The following DTNBP1 variants were observed in gnomAD, a reference collection of about 807,000 sequenced individuals.
DTNBP1 encodes dysbindin.
DTNBP1 carries 35 observed loss-of-function variants against 42.8 expected under a neutral mutation model. The ratio of observed to expected loss-of-function variants is 0.82; its 90% CI spans 0.63 to 1.09. The LOEUF is 1.09. Ranked by LOEUF, DTNBP1 falls within the 50% of genes least tolerant of loss-of-function variation. DTNBP1 has a pLI of 0.00. For synonymous variants in DTNBP1, 171 were observed against 162.2 expected, an observed-to-expected ratio of 1.05 and a Z score of -0.41; for missense variants, 457 against 424.2, an observed-to-expected ratio of 1.08 and a Z score of -0.68.
intron 7 of DTNBP1, among the ~76,000 whole-genome samples, chr6:15,578,993 GC>G (rs1775700955): frequency 6.6e-6 from 1 of 152,112 alleles, no homozygotes; most frequent in African/African-American, 2.4e-5. Context: ...GTATGGAGGT[GC>G]CCCCAAAAAA....
chr6:15,618,398 A>C lies in DTNBP1; in HGVS notation c.356-2999T>G, dbSNP rs537308351. ...AAAGGGGGGAAGCGTGGGAAGGGAC[A>C]AAGATTGAAAAACTACCTACTGGGT... On this transcript the variant is annotated intron_variant, in intron 5 of 9. Coordinates refer to ENST00000344537, the MANE Select transcript of DTNBP1 (RefSeq NM_032122.5). 2.6e-5 allele frequency among the ~76,000 whole-genome samples: 4 copies of C among 152,238 alleles called. No individual in the cohort carries two copies. In the South Asian group the frequency reaches 8.3e-4, roughly 32 times the overall value.
chr6:15,653,958 A>C (rs1406708451), intron 1 of DTNBP1, among the ~76,000 whole-genome samples: 1 of 152,240 alleles, frequency 6.6e-6, no homozygotes, highest in Non-Finnish European at 1.5e-5. Flanking sequence ...GCTGGTTCTG[A>C]AACAGGATTC....
chr6:15,550,585 T>C (rs1465269439), intron 7 of DTNBP1, among the ~76,000 whole-genome samples: 1 of 152,254 alleles, frequency 6.6e-6, no homozygotes, highest in Non-Finnish European at 1.5e-5. Context: ...GCTTGAAAGC[T>C]GATCATATCT....
intron 3 of DTNBP1, among the ~76,000 whole-genome samples, chr6:15,638,140 T>G (rs1259956959): frequency 1.3e-5 from 2 of 152,154 alleles, no homozygotes; most frequent in Admixed American, 1.3e-4. Flanking sequence ...GTAATTTTTT[T>G]TTTTTGAGAT....
At chr6:15,650,850 CA>C (rs1157852495) in intron 3 of DTNBP1, among the ~76,000 whole-genome samples, 2 of 152,134 alleles carry the variant, frequency 1.3e-5, no homozygotes, top group African/African-American at 4.8e-5. Flanking sequence ...CTCTGACACA[CA>C]AAAGTATTTG....
At chr6:15,543,814 C>T (rs1039751346) in intron 7 of DTNBP1, among the ~76,000 whole-genome samples, 5 of 152,188 alleles carry the variant, frequency 3.3e-5, no homozygotes, top group African/African-American at 4.8e-5. Flanking sequence ...CCTGCCACTC[C>T]GGCTCATACC....
intron 7 of DTNBP1, among the ~76,000 whole-genome samples, chr6:15,542,057 A>C (rs1422646104): frequency 6.6e-6 from 1 of 152,220 alleles, no homozygotes; most frequent in East Asian, 1.9e-4. Context: ...GATTAAGAGC[A>C]TTGTTCATTA....
intron 7 of DTNBP1, among the ~76,000 whole-genome samples, chr6:15,582,242 G>T (rs917357843): frequency 6.6e-6 from 1 of 152,156 alleles, no homozygotes; most frequent in East Asian, 1.9e-4. Flanking sequence ...ATTTTAGCAC[G>T]TCCCAGGAAT....
At chr6:15,578,600 G>C (rs1013224371) in intron 7 of DTNBP1, among the ~76,000 whole-genome samples, 1 of 152,150 alleles carries the variant, frequency 6.6e-6, no homozygotes, top group Non-Finnish European at 1.5e-5. Context: ...GCAAAATATT[G>C]AGTGGTCATT....
chr6:15,558,756 C>A (rs1774667851), intron 7 of DTNBP1, among the ~76,000 whole-genome samples: 1 of 152,132 alleles, frequency 6.6e-6, no homozygotes, highest in African/African-American at 2.4e-5. Flanking sequence ...TGTTGCCCAT[C>A]CTTTCTGTTT....
intron 7 of DTNBP1, among the ~76,000 whole-genome samples, chr6:15,568,498 C>A (rs1775196287): frequency 6.6e-6 from 1 of 152,148 alleles, no homozygotes; most frequent in Non-Finnish European, 1.5e-5. Context: ...CAAAAAGATA[C>A]TACCATTGAC....
chr6:15,580,454 A>G (rs1411664981), intron 7 of DTNBP1, among the ~76,000 whole-genome samples: 1 of 152,242 alleles, frequency 6.6e-6, no homozygotes, highest in African/African-American at 2.4e-5. Context: ...GTACGTATAG[A>G]GATGCTTATT....
chr6:15,530,773 ATAGAGT>A (rs1186366214), intron 8 of DTNBP1, among the ~76,000 whole-genome samples: 2 of 152,112 alleles, frequency 1.3e-5, no homozygotes, highest in African/African-American at 2.4e-5. Context: ...CTGAAGGAAG[ATAGAGT>A]TAAATTGTTT....
rs963150649 is a variant in DTNBP1 at position 15,587,057 on chromosome 6, A to T, written c.511+6002T>A. Among the ~76,000 whole-genome samples, 2 of 151,884 alleles carry T rather than the reference A, an allele frequency of 1.3e-5. No individual in the cohort carries two copies. Among genetic ancestry groups the T allele is most frequent in the African/African-American group, 2.4e-5 (1 of 41,314 alleles). On this transcript the variant is annotated intron_variant, in intron 7 of 9. Coordinates refer to ENST00000344537, the MANE Select transcript of DTNBP1 (RefSeq NM_032122.5). This position sits in a 1 kb window ranked among gnomAD's most constrained non-coding sequence, Gnocchi z 4.1. ...TTCCATTCCCACCTACATGCTGGCT[A>T]CTCTCAAATCTAGCTCAGATCCTTC... is the stretch of plus-strand genomic sequence containing the variant.
chr6:15,635,787 A>G (rs1759974200), intron 4 of DTNBP1, among the ~76,000 whole-genome samples: 1 of 152,048 alleles, frequency 6.6e-6, no homozygotes, highest in South Asian at 2.1e-4. Flanking sequence ...CTATTTCTTC[A>G]GCTGCCTCAA....
At chr6:15,571,325 C>T (rs1183102429) in intron 7 of DTNBP1, among the ~76,000 whole-genome samples, 2 of 152,188 alleles carry the variant, frequency 1.3e-5, no homozygotes, top group Non-Finnish European at 1.5e-5. Context: ...TTGGCTGTCA[C>T]AGTTCAAGTT....
At chr6:15,560,929 T>C (rs187062975) in intron 7 of DTNBP1, among the ~76,000 whole-genome samples, 251 of 152,366 alleles carry the variant, frequency 1.6e-3, no homozygotes, top group Middle Eastern at 6.8e-3. Context: ...AAAATTATTC[T>C]TGCTGCACTT....
At chr6:15,640,042 T>C (rs1000694209) in intron 3 of DTNBP1, among the ~76,000 whole-genome samples, 2 of 152,190 alleles carry the variant, frequency 1.3e-5, no homozygotes, top group Non-Finnish European at 2.9e-5. Flanking sequence ...TCATTCATGA[T>C]TTTCCTACTG....
chr6:15,545,311 A>G (rs567500124), intron 7 of DTNBP1, among the ~76,000 whole-genome samples: 6 of 152,348 alleles, frequency 3.9e-5, no homozygotes, highest in East Asian at 1.9e-4. Flanking sequence ...TAGTTTTCAA[A>G]ACAGACATAT....
Sources: allele counts gnomAD v4.1 joint callset (sites outside exome capture counted in the v4.1 genomes callset), GRCh38; gene constraint gnomAD v4.1.1; non-coding constraint Gnocchi (gnomAD v3.1); transcripts MANE v1.5; gene names NCBI Gene and HGNC (gene_info 2026-07-23, HGNC 2026-07-21).